CSMD1: variants seen among roughly 807,000 people sequenced by gnomAD.
CSMD1 encodes the protein CUB and Sushi multiple domains 1, also known as CUB and sushi domain-containing protein 1.
In CSMD1, 213 loss-of-function variants were observed where a neutral mutation model predicts 417.5. That is an observed-to-expected ratio of 0.51 (90% CI 0.46 to 0.57). The LOEUF (loss-of-function observed/expected upper bound fraction) is 0.57, where lower values mean the gene tolerates loss of function less well. Ranked by LOEUF, CSMD1 falls within the 20% of genes least tolerant of loss-of-function variation. The pLI is 0.00. For missense variants in CSMD1, 6,923 were observed against 4,529.7 expected (o/e 1.53, Z -15.17); for synonymous variants, 2,862 against 1,736.8 (o/e 1.65, Z -16.11).
At chr8:4,141,597 G>T (rs981690360) in intron 3 of CSMD1, among the ~76,000 whole-genome samples, 3 of 151,062 alleles carry the variant, frequency 2.0e-5, no homozygotes, top group East Asian at 3.9e-4. Context: ...ACTAAGAAAT[G>T]GAGTTGTAAC....
intron 2 of CSMD1, among the ~76,000 whole-genome samples, chr8:4,428,444 T>C (rs78150164): frequency 0.015 from 2,321 of 152,306 alleles, 63 homozygotes; most frequent in African/African-American, 0.054. Context: ...AATATGGAAA[T>C]GGTTTTTCAC....
intron 3 of CSMD1, among the ~76,000 whole-genome samples, chr8:4,051,756 G>A (rs866736273): frequency 2.0e-5 from 3 of 152,140 alleles, no homozygotes; most frequent in African/African-American, 7.2e-5. Context: ...CACCACTGCT[G>A]GTTTTGGTAG....
intron 2 of CSMD1, among the ~76,000 whole-genome samples, chr8:4,538,642 CA>C (rs920389486): frequency 3.3e-5 from 5 of 149,276 alleles, no homozygotes; most frequent in Admixed American, 6.7e-5. Context: ...GACTCCATCT[CA>C]AAAAAAAATG....
intron 37 of CSMD1, among the ~76,000 whole-genome samples, chr8:3,171,738 G>C (rs1820595609): frequency 6.6e-6 from 1 of 152,158 alleles, no homozygotes; most frequent in Non-Finnish European, 1.5e-5. Context: ...TTTCAAGTGA[G>C]CACAACTTGT....
intron 18 of CSMD1, among the ~76,000 whole-genome samples, chr8:3,381,272 A>G (rs1284444976): frequency 6.6e-6 from 1 of 151,174 alleles, no homozygotes; most frequent in African/African-American, 2.4e-5. Flanking sequence ...ACCCACATGA[A>G]AAAAAAAAGA....
intron 51 of CSMD1, among the ~76,000 whole-genome samples, chr8:3,027,774 A>G (rs1238044701): frequency 6.6e-6 from 1 of 152,232 alleles, no homozygotes; most frequent in Non-Finnish European, 1.5e-5. Context: ...AGAGGCAGGA[A>G]AACAGACTTT....
At chr8:4,031,588 G>A (rs1465991159) in intron 4 of CSMD1, among the ~76,000 whole-genome samples, 1 of 152,106 alleles carries the variant, frequency 6.6e-6, no homozygotes, top group African/African-American at 2.4e-5. Context: ...AATCATATCA[G>A]AAGTCATAAA....
At chr8:3,728,725 G>A (rs918030611) in intron 6 of CSMD1, among the ~76,000 whole-genome samples, 3 of 152,088 alleles carry the variant, frequency 2.0e-5, no homozygotes, top group African/African-American at 7.2e-5. Context: ...TTAAAATGGT[G>A]GGCATGGTCT....
chr8:4,508,298 G>A (rs936950254), intron 2 of CSMD1, among the ~76,000 whole-genome samples: 6 of 151,786 alleles, frequency 4.0e-5, no homozygotes, highest in African/African-American at 1.5e-4. Flanking sequence ...GTGATATAAA[G>A]ATAAAGATGA....
At chr8:3,806,903 T>G (rs1049299695) in intron 5 of CSMD1, among the ~76,000 whole-genome samples, 1 of 152,178 alleles carries the variant, frequency 6.6e-6, no homozygotes, top group Non-Finnish European at 1.5e-5. Context: ...TATAATTTAA[T>G]CCAGTAGTAG....
rs1052052419 is a variant in CSMD1, at chr8:4,432,763, A to G, written c.303-12698T>C. Among the ~76,000 whole-genome samples, 110 of 152,202 alleles carry G rather than the reference A, an allele frequency of 7.2e-4. 1 individual carries two copies. Among genetic ancestry groups the G allele is most frequent in the African/African-American group, 2.5e-3 (105 of 41,452 alleles). ...TTCAAACCAGGGCCATAGAGGAAAT[A>G]AAAATATATGAAGCCAAGCAGTAAT... On this transcript the variant is annotated intron_variant, in intron 2 of 69. Coordinates refer to ENST00000635120, the MANE Select transcript of CSMD1 (RefSeq NM_033225.6).
chr8:4,407,907 A>T (rs1161725622), intron 3 of CSMD1, among the ~76,000 whole-genome samples: 2 of 152,180 alleles, frequency 1.3e-5, no homozygotes, highest in African/African-American at 2.4e-5. Context: ...AACACATCCA[A>T]AGCTGAAACG....
chr8:3,470,285 T>G (rs1001913123), intron 11 of CSMD1, among the ~76,000 whole-genome samples: 1 of 152,234 alleles, frequency 6.6e-6, no homozygotes, highest in African/African-American at 2.4e-5. Context: ...TACTTCAATT[T>G]CTACATAGAA....
At chr8:4,560,429 G>A (rs989298112) in intron 2 of CSMD1, among the ~76,000 whole-genome samples, 1 of 152,120 alleles carries the variant, frequency 6.6e-6, no homozygotes, top group Non-Finnish European at 1.5e-5. Context: ...TGTCTGATGG[G>A]CTTAGCAATT....
At chr8:4,091,871 G>C (rs1005625419) in intron 3 of CSMD1, among the ~76,000 whole-genome samples, 2 of 152,192 alleles carry the variant, frequency 1.3e-5, no homozygotes, top group African/African-American at 4.8e-5. Context: ...AACAAAATTA[G>C]ACTCCGCATT....
At chr8:3,448,659 A>T (rs1815491506) in intron 12 of CSMD1, among the ~76,000 whole-genome samples, 1 of 152,060 alleles carries the variant, frequency 6.6e-6, no homozygotes, top group African/African-American at 2.4e-5. Context: ...GCATGAGTGG[A>T]GGCCAAGTGG....
intron 48 of CSMD1, among the ~76,000 whole-genome samples, chr8:3,087,708 G>C (rs1814644267): frequency 2.0e-5 from 3 of 152,216 alleles, no homozygotes; most frequent in Admixed American, 2.0e-4. Flanking sequence ...GTGTTGGGCA[G>C]CATTCAAAGT....
chr8:4,148,056 T>G (rs1398181937), intron 3 of CSMD1, among the ~76,000 whole-genome samples: 1 of 151,994 alleles, frequency 6.6e-6, no homozygotes, highest in Admixed American at 6.6e-5. Context: ...GGTAAAGAAA[T>G]ATACAAGCAG....
At chr8:3,957,593 C>A (rs1023070623) in intron 5 of CSMD1, among the ~76,000 whole-genome samples, 1 of 151,904 alleles carries the variant, frequency 6.6e-6, no homozygotes, top group Non-Finnish European at 1.5e-5. Context: ...CTGAGGTGGA[C>A]AGATGGCTTG....
Sources: gnomAD v4.1 joint callset for allele counts (sites outside exome capture counted in the v4.1 genomes callset) on GRCh38, gnomAD v4.1.1 for gene constraint, MANE v1.5 for transcripts, NCBI Gene and HGNC (gene_info 2026-07-23, HGNC 2026-07-21) for gene names.